The following MLIP variants were observed in gnomAD, a reference collection of about 807,000 sequenced individuals.
MLIP encodes muscular LMNA interacting protein.
In MLIP, 79 loss-of-function variants were observed where a neutral mutation model predicts 84.8. The observed-to-expected ratio is 0.93, with a 90% CI of 0.78 to 1.12. MLIP has a LOEUF of 1.12. Ranked by LOEUF, MLIP falls within the 50% of genes most tolerant of loss-of-function variation. The pLI is 0.00. For synonymous variants in MLIP, 504 were observed against 463.0 expected (o/e 1.09, Z -1.14); for missense variants, 1,257 against 1,160.6 (o/e 1.08, Z -1.21).
intron 1 of MLIP, among the ~76,000 whole-genome samples, chr6:54,114,628 A>T (rs189548556): frequency 4.1e-4 from 63 of 152,314 alleles, no homozygotes; most frequent in African/African-American, 1.5e-3. Flanking sequence ...ATAGACTTAT[A>T]GCAAGTCTTC....
At chr6:54,032,103 A>AT (rs1030812984) in intron 1 of MLIP, among the ~76,000 whole-genome samples, 1 of 151,980 alleles carries the variant, frequency 6.6e-6, no homozygotes, top group African/African-American at 2.4e-5. Flanking sequence ...GGAGAGTTCT[A>AT]TTTTTTTCAT....
chr6:54,163,346 T>G (rs1012305192), intron 8 of MLIP, among the ~76,000 whole-genome samples: 1 of 151,968 alleles, frequency 6.6e-6, no homozygotes, highest in Non-Finnish European at 1.5e-5. Context: ...CCAGGGACTT[T>G]AAGCCATTTA....
chr6:54,240,129 AAAC>A (rs776178257), intron 12 of MLIP, among the ~76,000 whole-genome samples: 37 of 152,232 alleles, frequency 2.4e-4, no homozygotes, highest in Non-Finnish European at 4.0e-4. Flanking sequence ...GTGAAGTGAC[AAAC>A]AACAACAACA....
At position 54,160,148 on chromosome 6, in the gene MLIP, C is replaced by T. The variant is rs558328188; in HGVS notation, c.2290-219C>T. Among the ~76,000 whole-genome samples the T allele has an allele frequency of 2.0e-5, 3 of 152,156 alleles. No homozygotes were observed. In the South Asian group the frequency reaches 6.2e-4, roughly 32 times the overall value. On this transcript the variant is annotated intron_variant, in intron 5 of 13. Transcript: ENST00000502396. ...TATGCAGAAAACTGAAACTGGACCCCTTCCTTACACCTTATACAAAAATTT... is the reference window on the plus strand; with the variant it reads ...TATGCAGAAAACTGAAACTGGACCCTTTCCTTACACCTTATACAAAAATTT...
rs1454150783 is a variant in MLIP, at chr6:54,137,793, AC to A, written c.1728del (p.Arg577GlufsTer10). On this transcript the variant is annotated frameshift_variant, in exon 4 of 14. Coordinates refer to ENST00000502396, the MANE Select transcript of MLIP (RefSeq NM_001281747.2). LOFTEE classifies it high-confidence loss of function. ...KQDGDLRGPENPRNIHTYPST... is the reference protein window; with the variant it reads ...KQDGDLRGPEXPRNIHTYPST... ...GATGGTGACCTCAGGGGTCCAGAAAACCCCAGAAACATTCACACGTACCCTT... is the reference window on the plus strand; with the variant it reads ...GATGGTGACCTCAGGGGTCCAGAAAACCCAGAAACATTCACACGTACCCTT... The A allele has an allele frequency of 6.5e-7, 1 of 1,535,886 alleles. No homozygotes were observed. Among genetic ancestry groups the A allele is most frequent in the Non-Finnish European group, 8.7e-7 (1 of 1,146,854 alleles).
At chr6:54,215,626 A>G (rs1280719683) in intron 11 of MLIP, 1 of 164,124 alleles carries the variant, frequency 6.1e-6, no homozygotes, top group Non-Finnish European at 1.3e-5. Context: ...AGAAGAGATG[A>G]GGACACATAA....
intron 12 of MLIP, among the ~76,000 whole-genome samples, chr6:54,232,383 G>T (rs1204238683): frequency 1.3e-5 from 2 of 152,096 alleles, no homozygotes; most frequent in African/African-American, 4.8e-5. Flanking sequence ...TCTTTGTTTG[G>T]TTAGGCTGAG....
intron 9 of MLIP, among the ~76,000 whole-genome samples, chr6:54,176,437 C>T (rs1399748135): frequency 6.6e-6 from 1 of 151,896 alleles, no homozygotes; most frequent in Non-Finnish European, 1.5e-5. Flanking sequence ...TCTGTTCAGG[C>T]ATTGGATTTC....
rs1394738539 is a variant in MLIP at position 54,252,046 on chromosome 6, A to G, written c.2923-5262A>G. ...ATATATATATTATAACATATAATAT[A>G]TAATATAAATATATATATTATAACA... On this transcript the variant is annotated intron_variant, in intron 12 of 13. Transcript: ENST00000502396. Among the ~76,000 whole-genome samples, 3 of 94,852 alleles carry G rather than the reference A, an allele frequency of 3.2e-5. No individual in the cohort carries two copies. The East Asian group carries it at 1.0e-3, about 32-fold the overall frequency. The allele number at this position is 94,852 out of a possible 152,430, so 62.2% of individuals were successfully genotyped here.
intron 12 of MLIP, among the ~76,000 whole-genome samples, chr6:54,241,460 A>G (rs1164150466): frequency 6.6e-6 from 1 of 152,120 alleles, no homozygotes; most frequent in Non-Finnish European, 1.5e-5. Flanking sequence ...CTGAGTGTTT[A>G]CACATTCAGT....
intron 13 of MLIP, 68 bp downstream of exon 13, chr6:54,257,429 T>G: frequency 8.2e-7 from 1 of 1,226,958 alleles, no homozygotes; most frequent in Non-Finnish European, 1.2e-6. Context: ...AAACCAATCT[T>G]ATTTTTTTAA....
At chr6:54,061,417 C>T (rs1295426705) in intron 1 of MLIP, among the ~76,000 whole-genome samples, 1 of 152,132 alleles carries the variant, frequency 6.6e-6, no homozygotes, top group Non-Finnish European at 1.5e-5. Flanking sequence ...TCAATAAATG[C>T]AAATAAAACC....
chr6:54,182,600 C>CTG (rs1776995894), intron 9 of MLIP, among the ~76,000 whole-genome samples: 2 of 152,120 alleles, frequency 1.3e-5, no homozygotes, highest in South Asian at 4.2e-4. Context: ...TCTTGCTCCA[C>CTG]CCCTCAGGGA....
At chr6:54,025,045 C>A (rs1191714379) in intron 1 of MLIP, among the ~76,000 whole-genome samples, 2 of 147,332 alleles carry the variant, frequency 1.4e-5, no homozygotes, top group Non-Finnish European at 3.0e-5. Flanking sequence ...GACAGGGTTT[C>A]ACTCTGTTGC....
Position 54,169,561 on chromosome 6 carries a change from G to GGTACTTACATAT in MLIP, c.2533_2534insGTACTTACATAT (p.Glu845delinsGlyThrTyrIleTer). On this transcript the variant is annotated stop_gained and protein_altering_variant, in exon 9 of 14. Transcript: ENST00000502396. LOFTEE classifies it high-confidence loss of function. Reference sequence around the variant, plus strand: ...AACTCTTCCAAGAGCAGCTGGTCGAGAAACCAAATATGTAAGTACCTTTAT... The same window carrying GGTACTTACATAT: ...AACTCTTCCAAGAGCAGCTGGTCGAGGTACTTACATATAAACCAAATATGTAAGTACCTTTAT... The GGTACTTACATAT allele has an allele frequency of 1.3e-6, 2 of 1,589,468 alleles. No homozygotes were observed. Among genetic ancestry groups the GGTACTTACATAT allele is most frequent in the Non-Finnish European group, 1.7e-6 (2 of 1,167,318 alleles).
intron 1 of MLIP, among the ~76,000 whole-genome samples, chr6:54,119,374 T>C (rs1053524496): frequency 6.6e-6 from 1 of 152,216 alleles, no homozygotes; most frequent in Non-Finnish European, 1.5e-5. Flanking sequence ...AGAATGGAAT[T>C]CTGTCATTTG....
chr6:54,052,663 C>A (rs961269553), intron 1 of MLIP, among the ~76,000 whole-genome samples: 7 of 152,208 alleles, frequency 4.6e-5, no homozygotes, highest in Admixed American at 1.3e-4. Flanking sequence ...TTCAAGAATG[C>A]TCTTCTTTCA....
chr6:54,210,152 G>T (rs1402155469), intron 11 of MLIP, among the ~76,000 whole-genome samples: 218 of 151,360 alleles, frequency 1.4e-3, no homozygotes, highest in African/African-American at 5.0e-3. Context: ...GCACCGCACC[G>T]CACCGCACCG....
intron 11 of MLIP, among the ~76,000 whole-genome samples, chr6:54,221,542 C>A (rs897912521): frequency 6.6e-5 from 5 of 75,416 alleles, no homozygotes; most frequent in Non-Finnish European, 2.1e-4. Flanking sequence ...CACATAAGAC[C>A]CCCTTATAAT....
Sources: gnomAD v4.1 joint callset for allele counts (sites outside exome capture counted in the v4.1 genomes callset) on GRCh38, gnomAD v4.1.1 for gene constraint, MANE v1.5 for transcripts, NCBI Gene and HGNC (gene_info 2026-07-23, HGNC 2026-07-21) for gene names.